GRK3: variants seen among roughly 807,000 people sequenced by gnomAD.
GRK3 encodes G protein-coupled receptor kinase 3, also known as adrenergic, beta, receptor kinase 2.
Under a neutral mutation model 95.7 loss-of-function variants are expected in GRK3, and 54 were observed. The ratio of observed to expected loss-of-function variants is 0.56; its 90% CI spans 0.45 to 0.71. The LOEUF is 0.71. Ranked by LOEUF, GRK3 falls within the 30% of genes least tolerant of loss-of-function variation. GRK3 has a pLI of 0.00. For missense variants in GRK3, 649 were observed against 851.2 expected, an observed-to-expected ratio of 0.76 and a Z score of 2.96; for synonymous variants, 281 against 290.8, an observed-to-expected ratio of 0.97 and a Z score of 0.34.
chr22:25,576,343 C>T (rs990195653), intron 1 of GRK3, among the ~76,000 whole-genome samples: 3 of 152,236 alleles, frequency 2.0e-5, no homozygotes, highest in African/African-American at 7.2e-5. Context: ...TCCCTGACTA[C>T]AGTGGCTTTG....
chr22:25,622,245 T>C (rs1002785343), intron 2 of GRK3, among the ~76,000 whole-genome samples: 2 of 152,186 alleles, frequency 1.3e-5, no homozygotes, highest in African/African-American at 4.8e-5. Flanking sequence ...GGTAGAACCA[T>C]GCAGCTTGTC....
intron 9 of GRK3, among the ~76,000 whole-genome samples, chr22:25,681,574 C>T (rs761230367): frequency 4.6e-5 from 7 of 152,018 alleles, no homozygotes; most frequent in East Asian, 1.9e-4. Flanking sequence ...CATCGCCGGC[C>T]GATCTTGAGG....
chr22:25,687,432 G>A lies in GRK3; in HGVS notation c.827-105G>A, dbSNP rs575254203. 11 of 1,201,706 alleles carry A rather than the reference G, an allele frequency of 9.2e-6. No individual in the cohort carries two copies. In the African/African-American group the frequency reaches 1.4e-4, roughly 15 times the overall value. The allele number at this position is 1,201,706 out of a possible 1,614,324, so 74.4% of individuals were successfully genotyped here. Reference sequence around the variant, plus strand: ...ACATAGGTATATAGACCAAGCAGAAGCATAGTTTCCCTTTTTCTGCTGAGT... The same window carrying A: ...ACATAGGTATATAGACCAAGCAGAAACATAGTTTCCCTTTTTCTGCTGAGT... On this transcript the variant is annotated intron_variant, in intron 10 of 20. Transcript: ENST00000324198.
chr22:25,588,147 C>G (rs1409976060), intron 1 of GRK3, among the ~76,000 whole-genome samples: 1 of 152,160 alleles, frequency 6.6e-6, no homozygotes, highest in Non-Finnish European at 1.5e-5. Context: ...GGTTCAGTCT[C>G]TTTGATTAGG....
chr22:25,688,558 C>G (rs116622143), intron 11 of GRK3, among the ~76,000 whole-genome samples: 2,903 of 152,296 alleles, frequency 0.019, 87 homozygotes, highest in African/African-American at 0.066. Context: ...TTAAAAATCA[C>G]TGATAGAGTT....
chr22:25,630,588 G>GC (rs1302647345), intron 2 of GRK3, among the ~76,000 whole-genome samples: 4 of 152,102 alleles, frequency 2.6e-5, no homozygotes, highest in Non-Finnish European at 5.9e-5. Context: ...GAATTTTCTC[G>GC]CCCCTACATT....
intron 2 of GRK3, among the ~76,000 whole-genome samples, chr22:25,613,980 C>A (rs1477195827): frequency 6.6e-6 from 1 of 151,178 alleles, no homozygotes; most frequent in Non-Finnish European, 1.5e-5. Flanking sequence ...AGTTCAAAGA[C>A]CAGCCATAAT....
At chr22:25,684,454 A>C (rs1056283828) in intron 9 of GRK3, 1 of 152,236 alleles carries the variant, frequency 6.6e-6, no homozygotes, top group African/African-American at 2.4e-5. Context: ...TGAGTTATTG[A>C]GTCCTTGGTC....
At chr22:25,607,626 G>T (rs954848402) in intron 2 of GRK3, among the ~76,000 whole-genome samples, 2 of 151,988 alleles carry the variant, frequency 1.3e-5, no homozygotes, top group African/African-American at 2.4e-5. Flanking sequence ...ACTCAGGCTG[G>T]AGTGCAGTGG....
rs1166227671 is a variant in GRK3 at position 25,728,227 on chromosome 22, C to T, written c.*5777C>T. On this transcript the variant is annotated 3_prime_UTR_variant, in exon 21 of 21. Coordinates refer to ENST00000324198, the MANE Select transcript of GRK3 (RefSeq NM_005160.4). Reference sequence around the variant, plus strand: ...TGGACTGTTTTCAACAACAGTTGATCTTCTGGTCTGTGCTGAGAGGCGCAT... The same window carrying T: ...TGGACTGTTTTCAACAACAGTTGATTTTCTGGTCTGTGCTGAGAGGCGCAT... 6.6e-6 allele frequency: 1 copy of T among 152,204 alleles called. No homozygotes were observed. The highest frequency in any genetic ancestry group is 1.5e-5 in the Non-Finnish European group (1 of 68,038). 9.4% of individuals were successfully genotyped at this position (152,204 alleles called of 1,614,324 possible).
At chr22:25,656,381 A>G (rs1168595970) in intron 3 of GRK3, among the ~76,000 whole-genome samples, 1 of 152,130 alleles carries the variant, frequency 6.6e-6, no homozygotes, top group African/African-American at 2.4e-5. Context: ...CAGTGGTGCA[A>G]TCATGGCTCC....
At position 25,718,496 on chromosome 22, in the gene GRK3, T is replaced by G. The variant is rs963309581; in HGVS notation, c.1791+115T>G. The G allele has an allele frequency of 2.5e-6, 3 of 1,196,904 alleles. No homozygotes were observed. In the African/African-American group the frequency reaches 4.6e-5, roughly 18 times the overall value. 74.1% of individuals were successfully genotyped at this position (1,196,904 alleles called of 1,614,324 possible). ...TCCTCCGAAACTCTGTGATTCTATT[T>G]TACTGCTCTACATGAGATTGTAATG... is the stretch of plus-strand genomic sequence containing the variant. On this transcript the variant is annotated intron_variant, in intron 19 of 20. Transcript: ENST00000324198.
intron 12 of GRK3, among the ~76,000 whole-genome samples, chr22:25,691,593 G>A (rs547372422): frequency 3.3e-5 from 5 of 152,326 alleles, no homozygotes; most frequent in East Asian, 3.9e-4. Context: ...TCGTATAAGC[G>A]TCTCTCAGGG....
chr22:25,689,812 A>G (rs2146437460), intron 11 of GRK3, among the ~76,000 whole-genome samples: 1 of 152,306 alleles, frequency 6.6e-6, no homozygotes, highest in South Asian at 2.1e-4. Context: ...TCAGAAGCCC[A>G]GAAGCTGGTG....
chr22:25,610,095 C>G (rs2084485149), intron 2 of GRK3, among the ~76,000 whole-genome samples: 1 of 152,084 alleles, frequency 6.6e-6, no homozygotes, highest in Admixed American at 6.5e-5. Context: ...TTGTGATCCA[C>G]CCACCTCGGC....
intron 13 of GRK3, among the ~76,000 whole-genome samples, chr22:25,696,635 C>T (rs998003567): frequency 6.6e-6 from 1 of 152,078 alleles, no homozygotes; most frequent in Non-Finnish European, 1.5e-5. Context: ...AATGTTGCAC[C>T]TTTCCATCGG....
At chr22:25,664,537 T>G (rs1048773894) in intron 5 of GRK3, among the ~76,000 whole-genome samples, 2 of 149,808 alleles carry the variant, frequency 1.3e-5, no homozygotes, top group South Asian at 4.3e-4. Context: ...TTTTTTTTTT[T>G]TGAGACAGAG....
intron 18 of GRK3, among the ~76,000 whole-genome samples, chr22:25,716,131 C>T (rs748852515): frequency 2.4e-4 from 37 of 152,114 alleles, no homozygotes; most frequent in African/African-American, 7.5e-4. Flanking sequence ...GGATTACAGG[C>T]GCCCACCACC....
chr22:25,664,297 C>G (rs1015112353), intron 5 of GRK3, among the ~76,000 whole-genome samples: 1 of 152,142 alleles, frequency 6.6e-6, no homozygotes, highest in Non-Finnish European at 1.5e-5. Flanking sequence ...CACTTCCTCC[C>G]AAAAGCCTTT....
Sources: gnomAD v4.1 joint callset for allele counts (sites outside exome capture counted in the v4.1 genomes callset) on GRCh38, gnomAD v4.1.1 for gene constraint, MANE v1.5 for transcripts, NCBI Gene and HGNC (gene_info 2026-07-23, HGNC 2026-07-21) for gene names.